The following CDH22 variants were observed in gnomAD, a reference collection of about 807,000 sequenced individuals.
The protein encoded by CDH22 is cadherin-22.
In CDH22, 30 loss-of-function variants were observed where a neutral mutation model predicts 58.4. The observed-to-expected ratio is 0.51, with a 90% CI of 0.38 to 0.70. The LOEUF (loss-of-function observed/expected upper bound fraction) is 0.70. Ranked by LOEUF, CDH22 falls within the 30% of genes least tolerant of loss-of-function variation. The pLI, the probability that CDH22 is intolerant of heterozygous loss-of-function variation, is 0.00. For missense variants in CDH22, 1,014 were observed against 1,233.9 expected, an observed-to-expected ratio of 0.82 and a Z score of 2.67; for synonymous variants, 513 against 558.2, an observed-to-expected ratio of 0.92 and a Z score of 1.14.
At chr20:46,289,942 CTA>C (rs1252008760) in intron 1 of CDH22, among the ~76,000 whole-genome samples, 1 of 152,190 alleles carries the variant, frequency 6.6e-6, no homozygotes, top group Non-Finnish European at 1.5e-5. Flanking sequence ...GTTCAGGAAA[CTA>C]AAGTTTTAGA....
At chr20:46,191,677 A>C (rs2145660589) in intron 8 of CDH22, among the ~76,000 whole-genome samples, 1 of 152,324 alleles carries the variant, frequency 6.6e-6, no homozygotes, top group African/African-American at 2.4e-5. Context: ...CCAAAGTCTC[A>C]TAGGAGCTGG....
At chr20:46,264,789 T>C (rs1241409795) in intron 1 of CDH22, among the ~76,000 whole-genome samples, 1 of 151,964 alleles carries the variant, frequency 6.6e-6, no homozygotes, top group Non-Finnish European at 1.5e-5. Flanking sequence ...TGACCTCCCG[T>C]GCAAATTATG....
In CDH22 at chr20:46,196,607, G is replaced by A. The variant is rs183164721; in HGVS notation, c.1423+2816C>T. On this transcript the variant is annotated intron_variant, in intron 8 of 11. Transcript: ENST00000537909. Reference sequence around the variant, plus strand: ...CTCTTGATTTTGTGCCAGCACCAGGGAAACAGGACTGGAGGGGCAGCTGAG... The same window carrying A: ...CTCTTGATTTTGTGCCAGCACCAGGAAAACAGGACTGGAGGGGCAGCTGAG... Among the ~76,000 whole-genome samples, 122 of 152,310 alleles carry A rather than the reference G, an allele frequency of 8.0e-4. 1 individual carries two copies. The highest frequency in any genetic ancestry group is 2.8e-3 in the African/African-American group (115 of 41,560).
Position 46,306,317 on chromosome 20 carries a change from C to A in CDH22, c.-400+1938G>T, listed in dbSNP as rs141736016. On this transcript the variant is annotated intron_variant, in intron 1 of 11. Coordinates refer to ENST00000537909, the MANE Select transcript of CDH22 (RefSeq NM_021248.3). ...GCTCTGGGTATAGCTTACCATGTGA[C>A]CTCGGGCTGCTGTTGCCAATCCTTG... Among the ~76,000 whole-genome samples the A allele has an allele frequency of 5.8e-3, 885 of 152,354 alleles. 5 individuals carry two copies. The highest frequency in any genetic ancestry group is 0.02 in the African/African-American group (815 of 41,574).
rs113002841 is a variant in CDH22, at chr20:46,304,217, A to G, written c.-400+4038T>C. ...TCCTGCAGGGGTGCAGGCAGCTGAG[A>G]TCATGTGCAAAACCAAACAAGGAGG... On this transcript the variant is annotated intron_variant, in intron 1 of 11. Transcript: ENST00000537909. Among the ~76,000 whole-genome samples, 664 of 152,286 alleles carry G rather than the reference A, an allele frequency of 4.4e-3. 11 individuals are homozygous for G. The highest frequency in any genetic ancestry group is 0.016 in the African/African-American group (645 of 41,566).
At chr20:46,244,808 T>C (rs923863939) in intron 2 of CDH22, among the ~76,000 whole-genome samples, 2 of 152,214 alleles carry the variant, frequency 1.3e-5, no homozygotes, top group Admixed American at 1.3e-4. Context: ...TCTTTTGCCC[T>C]GTGCCGTGCA....
At chr20:46,306,552 G>A (rs1197231279) in intron 1 of CDH22, among the ~76,000 whole-genome samples, 4 of 152,244 alleles carry the variant, frequency 2.6e-5, no homozygotes, top group Admixed American at 6.5e-5. Context: ...ACATCTCCAG[G>A]AAGCAGTGTT....
intron 7 of CDH22, among the ~76,000 whole-genome samples, chr20:46,204,701 G>A (rs911428555): frequency 2.0e-5 from 3 of 152,136 alleles, no homozygotes; most frequent in South Asian, 2.1e-4. Flanking sequence ...GTTCAGAGCC[G>A]GAGGTCTAAC....
chr20:46,305,312 G>A, intron 1 of CDH22, among the ~76,000 whole-genome samples: 1 of 152,246 alleles, frequency 6.6e-6, no homozygotes, highest in East Asian at 1.9e-4. Flanking sequence ...ACACAAGGTT[G>A]TAGGAAGGAG....
At chr20:46,189,707 G>C (rs907864754) in intron 8 of CDH22, among the ~76,000 whole-genome samples, 2 of 152,220 alleles carry the variant, frequency 1.3e-5, no homozygotes, top group African/African-American at 2.4e-5. Flanking sequence ...TGGCATGAGT[G>C]AGAGTCTCAG....
chr20:46,186,933 G>A lies in CDH22; in HGVS notation c.1438C>T (p.Leu480=). 1 of 1,600,866 alleles carries A rather than the reference G, an allele frequency of 6.2e-7. No homozygotes were observed. The highest frequency in any genetic ancestry group is 8.5e-7 in the Non-Finnish European group (1 of 1,173,548). The change falls in exon 9 of 12, where the codon CTA becomes TTA. Residue 480 remains leucine, a synonymous_variant. Coordinates refer to ENST00000537909, the MANE Select transcript of CDH22 (RefSeq NM_021248.3). ...LAMEADNHAQ[L]SRASLRIRIL... ...CGGATCCTTAGGGATGCCCGGGATA[G>A]CTGTGCATGATTGTCTGTAATGAGA...
At chr20:46,221,222 T>C (rs1225359860) in intron 4 of CDH22, among the ~76,000 whole-genome samples, 2 of 151,960 alleles carry the variant, frequency 1.3e-5, no homozygotes, top group African/African-American at 4.8e-5. Flanking sequence ...CACACCAAAT[T>C]GTGACAAATA....
intron 7 of CDH22, among the ~76,000 whole-genome samples, chr20:46,202,357 T>G (rs1258955620): frequency 7.0e-6 from 1 of 143,424 alleles, no homozygotes. Flanking sequence ...AGAGTTTAAT[T>G]TTTTTTTTTT....
At chr20:46,268,048 C>T (rs2086469870) in intron 1 of CDH22, among the ~76,000 whole-genome samples, 3 of 152,264 alleles carry the variant, frequency 2.0e-5, no homozygotes, top group South Asian at 2.1e-4. Context: ...ATCCATGTAT[C>T]TACCAGATAT....
chr20:46,210,402 G>C lies in CDH22; in HGVS notation c.1191C>G (p.Pro397=), dbSNP rs2086033268. 7 of 1,464,380 alleles carry C rather than the reference G, an allele frequency of 4.8e-6. No homozygotes were observed. Among genetic ancestry groups the C allele is most frequent in the South Asian group, 1.4e-5 (1 of 72,340 alleles). The allele number at this position is 1,464,380 out of a possible 1,614,324, so 90.7% of individuals were successfully genotyped here. A position where few individuals can be genotyped will look rare whatever the true frequency, so the allele number is the denominator to read the frequency against. The change falls in exon 7 of 12, where the codon CCC becomes CCG. Residue 397 remains proline, a synonymous_variant. Coordinates refer to ENST00000537909, the MANE Select transcript of CDH22 (RefSeq NM_021248.3). This position sits in a 1 kb window ranked among gnomAD's most constrained non-coding sequence, Gnocchi z 4.5. ...DVDEPPEFRP[P]SGLLEVQEDA... is the part of the protein sequence containing the mutation. The stretch of plus-strand genomic sequence containing the variant: ...CCTCCTGCACCTCCAGGAGGCCGGA[G>C]GGCGGCCGGAACTCGGGGGGCTCGT...
chr20:46,267,852 G>C (rs1453211697), intron 1 of CDH22, among the ~76,000 whole-genome samples: 1 of 152,266 alleles, frequency 6.6e-6, no homozygotes, highest in African/African-American at 2.4e-5. Context: ...CCTTGAGCCA[G>C]AGCTTTGCCT....
At chr20:46,306,325 T>A (rs1372556493) in intron 1 of CDH22, among the ~76,000 whole-genome samples, 2 of 152,260 alleles carry the variant, frequency 1.3e-5, no homozygotes, top group East Asian at 3.8e-4. Flanking sequence ...GACCTCGGGC[T>A]GCTGTTGCCA....
At chr20:46,205,556 C>A (rs2085996203) in intron 7 of CDH22, among the ~76,000 whole-genome samples, 1 of 152,180 alleles carries the variant, frequency 6.6e-6, no homozygotes. Flanking sequence ...TTCGCTTCCT[C>A]TGCTGCAGTG....
chr20:46,302,650 C>A (rs901361355), intron 1 of CDH22, among the ~76,000 whole-genome samples: 1 of 152,122 alleles, frequency 6.6e-6, no homozygotes, highest in African/African-American at 2.4e-5. Context: ...TGAGCTCCTC[C>A]TTCCTCATGG....
Sources: allele counts gnomAD v4.1 joint callset (sites outside exome capture counted in the v4.1 genomes callset), GRCh38; gene constraint gnomAD v4.1.1; non-coding constraint Gnocchi (gnomAD v3.1); transcripts MANE v1.5; gene names NCBI Gene and HGNC (gene_info 2026-07-23, HGNC 2026-07-21).